The following NDUFV3 variants were observed in gnomAD, a reference collection of about 807,000 sequenced individuals.
The protein encoded by NDUFV3 is NADH dehydrogenase [ubiquinone] flavoprotein 3, mitochondrial.
Under a neutral mutation model 37.5 loss-of-function variants are expected in NDUFV3, and 44 were observed. That is an observed-to-expected ratio of 1.17 (90% confidence interval 0.92 to 1.51). The LOEUF (loss-of-function observed/expected upper bound fraction) is 1.51. Among genes scored for constraint, NDUFV3 ranks in the 40% most tolerant of loss-of-function variants. The pLI is 0.00. For synonymous variants in NDUFV3, 235 were observed against 239.3 expected, an observed-to-expected ratio of 0.98 and a Z score of 0.17; for missense variants, 580 against 580.4, an observed-to-expected ratio of 1.00 and a Z score of 0.01.
At chr21:42,896,598 C>T (rs1247521053) in intron 1 of NDUFV3, among the ~76,000 whole-genome samples, 1 of 151,360 alleles carries the variant, frequency 6.6e-6, no homozygotes, top group African/African-American at 2.5e-5. Context: ...CTTCAGGAGG[C>T]CGGGGCTTCA....
At chr21:42,894,444 T>C (rs1252637904) in intron 1 of NDUFV3, among the ~76,000 whole-genome samples, 4 of 55,320 alleles carry the variant, frequency 7.2e-5, no homozygotes, top group Admixed American at 2.2e-4. Context: ...TATTATATAA[T>C]ATATATAATA....
chr21:42,897,974 T>C (rs971258236), intron 2 of NDUFV3, among the ~76,000 whole-genome samples: 2 of 152,182 alleles, frequency 1.3e-5, no homozygotes, highest in African/African-American at 2.4e-5. Context: ...CCGTGCCCAG[T>C]CCTAAATCTT....
In NDUFV3 at chr21:42,903,656, A is replaced by T; in HGVS notation, c.644A>T (p.His215Leu). Residue 215 changes from histidine (H) to leucine (L), a missense_variant, in exon 3 of 4, where the codon CAT becomes CTT. Coordinates refer to ENST00000354250, the MANE Select transcript of NDUFV3 (RefSeq NM_021075.4). Reference protein sequence around the residue: ...AKEKTLLQKPHVDITDPEKPH... With the variant: ...AKEKTLLQKPLVDITDPEKPH... ...GAGAAAACCTTGCTGCAGAAGCCGC[A>T]TGTGGACATTACTGATCCAGAGAAG... 4 of 1,614,106 alleles carry T rather than the reference A, an allele frequency of 2.5e-6. No individual in the cohort carries two copies. Among genetic ancestry groups the T allele is most frequent in the South Asian group, 1.1e-5 (1 of 91,086 alleles).
chr21:42,897,741 A>G (rs925986601), intron 2 of NDUFV3, among the ~76,000 whole-genome samples: 4 of 150,748 alleles, frequency 2.7e-5, no homozygotes, highest in East Asian at 2.0e-4. Flanking sequence ...CAGTGGCGCA[A>G]TCTCGGCTCA....
intron 3 of NDUFV3, among the ~76,000 whole-genome samples, chr21:42,907,119 A>G (rs757779769): frequency 2.6e-5 from 4 of 152,140 alleles, no homozygotes; most frequent in African/African-American, 4.8e-5. Context: ...TGATTTTGCC[A>G]TTATGTTATA....
intron 3 of NDUFV3, among the ~76,000 whole-genome samples, chr21:42,907,830 A>T (rs369817828): frequency 1.3e-5 from 2 of 151,476 alleles, no homozygotes; most frequent in African/African-American, 2.4e-5. Context: ...AGCTCAAGCA[A>T]TCCTCCCACC....
chr21:42,898,706 A>T (rs1462455383), intron 2 of NDUFV3, among the ~76,000 whole-genome samples: 2 of 152,146 alleles, frequency 1.3e-5, no homozygotes, highest in Non-Finnish European at 2.9e-5. Flanking sequence ...CCTGGGCTCA[A>T]GCAATCTCCC....
Position 42,903,807 on chromosome 21 carries a change from A to G in NDUFV3, c.795A>G (p.Glu265=), listed in dbSNP as rs1472388363. The G allele has an allele frequency of 1.9e-6, 3 of 1,614,026 alleles. No individual in the cohort carries two copies. In the African/African-American group the frequency reaches 4.0e-5, roughly 22 times the overall value. ...DEEFLKQSLK[E]KQLQKTFRLN... ...AGTTTTTGAAGCAAAGTTTAAAGGA[A>G]AAACAATTGCAGAAAACATTTAGAT... Residue 265 remains glutamate (E), a synonymous_variant, in exon 3 of 4, where the codon GAA becomes GAG. Transcript: ENST00000354250.
Position 42,903,805 on chromosome 21 carries a change from GA to G in NDUFV3, c.798del (p.Lys266AsnfsTer9). On this transcript the variant is annotated frameshift_variant, in exon 3 of 4. Coordinates refer to ENST00000354250, the MANE Select transcript of NDUFV3 (RefSeq NM_021075.4). LOFTEE classifies it high-confidence loss of function. The part of the protein sequence containing the change: ...DEEFLKQSLK[E>X]KQLQKTFRLN... ...AGAGTTTTTGAAGCAAAGTTTAAAG[GA>G]AAAACAATTGCAGAAAACATTTAGA... 1 of 1,614,042 alleles carries G rather than the reference GA, an allele frequency of 6.2e-7. No individual in the cohort carries two copies. The highest frequency in any genetic ancestry group is 2.2e-5 in the East Asian group (1 of 44,892).
chr21:42,893,367 GC>G lies in NDUFV3; in HGVS notation c.36del (p.Ala14ArgfsTer2). ...AAPCLLRQGR[A>X]GALKTMLQEA... Reference sequence around the variant, plus strand: ...CCCGTGTTTGCTGCGGCAAGGACGAGCCGGGGCGCTGAAGGTAAAGGAGGAG... The same window carrying G: ...CCCGTGTTTGCTGCGGCAAGGACGAGCGGGGCGCTGAAGGTAAAGGAGGAG... On this transcript the variant is annotated frameshift_variant, in exon 1 of 4. Coordinates refer to ENST00000354250, the MANE Select transcript of NDUFV3 (RefSeq NM_021075.4). LOFTEE classifies it high-confidence loss of function. 1.3e-6 allele frequency: 2 copies of G among 1,537,988 alleles called. No individual in the cohort carries two copies. The highest frequency in any genetic ancestry group is 1.7e-6 in the Non-Finnish European group (2 of 1,146,400).
intron 2 of NDUFV3, among the ~76,000 whole-genome samples, chr21:42,899,423 C>T (rs919402060): frequency 2.7e-5 from 4 of 150,516 alleles, no homozygotes; most frequent in African/African-American, 9.9e-5. Flanking sequence ...AGGCATGCAC[C>T]ACCACGCCTG....
chr21:42,903,507 T>C lies in NDUFV3; in HGVS notation c.495T>C (p.Asp165=). 1 of 1,614,154 alleles carries C rather than the reference T, an allele frequency of 6.2e-7. No homozygotes were observed. Among genetic ancestry groups the C allele is most frequent in the Non-Finnish European group, 8.5e-7 (1 of 1,180,018 alleles). ...CCAGCTCCTCTGATTCTGAATCTGATGATGAGGCTGACGTTTCAGAGGTCA... is the reference window on the plus strand; with the variant it reads ...CCAGCTCCTCTGATTCTGAATCTGACGATGAGGCTGACGTTTCAGAGGTCA... ...SSSSSSDSES[D]DEADVSEVTP... The change falls in exon 3 of 4, where the codon GAT becomes GAC. Residue 165 remains aspartate (D), a synonymous_variant. Transcript: ENST00000354250.
Position 42,910,749 on chromosome 21 carries a change from C to T in NDUFV3, c.*1728C>T, listed in dbSNP as rs1037910367. On this transcript the variant is annotated 3_prime_UTR_variant, in exon 4 of 4. Transcript: ENST00000354250. Reference sequence around the variant, plus strand: ...GCGGTGCAGGGACGAAGTTGCTCCCCGCTGGCCACAGGCACTCAATGAGCT... The same window carrying T: ...GCGGTGCAGGGACGAAGTTGCTCCCTGCTGGCCACAGGCACTCAATGAGCT... The T allele has an allele frequency of 6.5e-6, 1 of 154,234 alleles. No individual in the cohort carries two copies. The highest frequency in any genetic ancestry group is 1.4e-5 in the Non-Finnish European group (1 of 69,092). 9.6% of individuals were successfully genotyped at this position (154,234 alleles called of 1,614,324 possible).
intron 2 of NDUFV3, among the ~76,000 whole-genome samples, chr21:42,899,063 A>C (rs2058706959): frequency 6.6e-6 from 1 of 152,178 alleles, no homozygotes; most frequent in African/African-American, 2.4e-5. Context: ...TTGGGCTCTC[A>C]TGGAGCTCCT....
rs759491762 is a variant in NDUFV3 at position 42,897,197 on chromosome 21, T to C, written c.169+150T>C. 15 of 901,422 alleles carry C rather than the reference T, an allele frequency of 1.7e-5. 1 individual carries two copies. The Middle Eastern group carries it at 9.4e-4, about 56-fold the overall frequency. The allele number at this position is 901,422 out of a possible 1,614,324, so 55.8% of individuals were successfully genotyped here. A position where few individuals can be genotyped will look rare whatever the true frequency, so the allele number is the denominator to read the frequency against. ...TCCAGATTATACAAGACACAAGATCTATAACAGATTTTAGACCAAACATTT... is the reference window on the plus strand; with the variant it reads ...TCCAGATTATACAAGACACAAGATCCATAACAGATTTTAGACCAAACATTT... On this transcript the variant is annotated intron_variant, in intron 2 of 3. Transcript: ENST00000354250.
chr21:42,903,914 C>T lies in NDUFV3; in HGVS notation c.902C>T (p.Ala301Val), dbSNP rs200490685. Residue 301 changes from alanine to valine, a missense_variant, in exon 3 of 4, where the codon GCG becomes GTG. By Grantham distance (64) the Ala-to-Val change is moderately conservative. Coordinates refer to ENST00000354250, the MANE Select transcript of NDUFV3 (RefSeq NM_021075.4). ...LPVHTKSGLS[A>V]PPKGSPAPAV... ...GTCCACACAAAATCAGGGTTGTCTG[C>T]GCCACCGAAGGGCAGCCCAGCGCCT... 121 of 1,611,308 alleles carry T rather than the reference C, an allele frequency of 7.5e-5. 1 individual carries two copies. Among genetic ancestry groups the T allele is most frequent in the Middle Eastern group, 3.3e-4 (2 of 6,066 alleles).
chr21:42,898,177 C>T (rs1336943071), intron 2 of NDUFV3, among the ~76,000 whole-genome samples: 1 of 152,190 alleles, frequency 6.6e-6, no homozygotes, highest in Non-Finnish European at 1.5e-5. Flanking sequence ...CTGACTGCCT[C>T]TCACAGTGTG....
Position 42,893,316 on chromosome 21 carries a change from G to C in NDUFV3, c.-18G>C, listed in dbSNP as rs1172533869. On this transcript the variant is annotated 5_prime_UTR_variant, in exon 1 of 4. Coordinates refer to ENST00000354250, the MANE Select transcript of NDUFV3 (RefSeq NM_021075.4). The stretch of plus-strand genomic sequence containing the variant: ...CGCAGCTGCTGTGGCCCTGCTTGGT[G>C]CGCCCGCTGTCACCGCCATGGCTGC... 6.5e-7 allele frequency: 1 copy of C among 1,537,434 alleles called. No homozygotes were observed. Among genetic ancestry groups the C allele is most frequent in the Non-Finnish European group, 8.7e-7 (1 of 1,146,298 alleles).
intron 1 of NDUFV3, among the ~76,000 whole-genome samples, 156 bp downstream of exon 1, chr21:42,893,537 G>A (rs928826188): frequency 3.9e-5 from 6 of 152,208 alleles, no homozygotes; most frequent in African/African-American, 1.4e-4. Context: ...AGGACTGACC[G>A]CCACGGGGCC....
Sources: gnomAD v4.1 joint callset for allele counts (sites outside exome capture counted in the v4.1 genomes callset) on GRCh38, gnomAD v4.1.1 for gene constraint, MANE v1.5 for transcripts, NCBI Gene and HGNC (gene_info 2026-07-23, HGNC 2026-07-21) for gene names.